ZNG1A: variants seen among roughly 807,000 people sequenced by gnomAD.
ZNG1A encodes the protein Zn regulated GTPase metalloprotein activator 1A.
the ZNG1A span, among the ~76,000 whole-genome samples, chr9:140,002 G>A: frequency 3.3e-5 from 5 of 150,504 alleles, no homozygotes; most frequent in East Asian, 3.9e-4. Flanking sequence ...CACCTGGCTC[G>A]GAGGGTCCCA....
the ZNG1A span, among the ~76,000 whole-genome samples, chr9:175,323 A>G: frequency 6.6e-6 from 1 of 151,760 alleles, no homozygotes; most frequent in Admixed American, 6.6e-5. Flanking sequence ...GGTGGCAGTG[A>G]GCTGAGATTG....
chr9:153,762 A>G, the ZNG1A span: 1 of 149,176 alleles, frequency 6.7e-6, no homozygotes, highest in East Asian at 2.0e-4. Flanking sequence ...AATGAGCCTT[A>G]CCTTTATTGA....
the ZNG1A span, among the ~76,000 whole-genome samples, chr9:174,372 T>C: frequency 6.6e-6 from 1 of 152,084 alleles, no homozygotes; most frequent in Non-Finnish European, 1.5e-5. Flanking sequence ...ACATATTTTT[T>C]ATATTTCAGC....
chr9:154,859 C>G, the ZNG1A span: 1 of 1,335,804 alleles, frequency 7.5e-7, no homozygotes, highest in South Asian at 1.3e-5. Flanking sequence ...CAGATTAATA[C>G]ATCAAAAGAG....
the ZNG1A span, among the ~76,000 whole-genome samples, chr9:170,373 G>C: frequency 6.8e-6 from 1 of 147,236 alleles, no homozygotes; most frequent in Non-Finnish European, 1.5e-5. Flanking sequence ...GTGTGTGTGT[G>C]TGTGCGCATG....
the ZNG1A span, chr9:150,115 G>A: frequency 8.8e-6 from 1 of 113,214 alleles, no homozygotes; most frequent in Non-Finnish European, 1.7e-5. Context: ...CCAAATCTCC[G>A]GTTTTGTTTT....
the ZNG1A span, chr9:154,695 T>A: frequency 1.8e-5 from 29 of 1,584,942 alleles, no homozygotes; most frequent in South Asian, 3.0e-4. Context: ...CTTAACACAC[T>A]TATCATTTCG....
At chr9:146,144 T>G in the ZNG1A span, 2 of 1,569,136 alleles carry the variant, frequency 1.3e-6, no homozygotes, top group Non-Finnish European at 1.7e-6. Context: ...ATCTAATACA[T>G]TAGAGAGATC....
At chr9:171,972 G>T in the ZNG1A span, 11 of 1,573,472 alleles carry the variant, frequency 7.0e-6, no homozygotes, top group Non-Finnish European at 9.5e-6. Flanking sequence ...AAAGTTTTTG[G>T]TTTAATACTA....
chr9:161,196 T>C, the ZNG1A span, among the ~76,000 whole-genome samples: 3 of 151,968 alleles, frequency 2.0e-5, no homozygotes, highest in Non-Finnish European at 4.4e-5. Flanking sequence ...AGGCCGGGCG[T>C]GGTGGCTCAT....
the ZNG1A span, among the ~76,000 whole-genome samples, chr9:157,868 T>C: frequency 6.6e-6 from 1 of 151,882 alleles, no homozygotes; most frequent in East Asian, 1.9e-4. Context: ...GTAATAATTT[T>C]ATTTAACAAG....
the ZNG1A span, among the ~76,000 whole-genome samples, chr9:135,770 G>C: frequency 1.7e-5 from 2 of 116,734 alleles, no homozygotes; most frequent in Non-Finnish European, 3.2e-5. Flanking sequence ...GAAAGAGAAA[G>C]AACTTGTAGG....
chr9:141,862 G>C, the ZNG1A span, among the ~76,000 whole-genome samples: 1 of 152,056 alleles, frequency 6.6e-6, no homozygotes, highest in African/African-American at 2.4e-5. Flanking sequence ...CCAAGCAAAT[G>C]GAAAACAAAA....
At chr9:151,368 T>C in the ZNG1A span, 10 of 979,232 alleles carry the variant, frequency 1.0e-5, no homozygotes, top group Non-Finnish European at 1.1e-5. Context: ...GGAACTAGAC[T>C]GCCAGCTGTG....
At chr9:169,819 C>T in the ZNG1A span, among the ~76,000 whole-genome samples, 1 of 142,986 alleles carries the variant, frequency 7.0e-6, no homozygotes, top group Non-Finnish European at 1.5e-5. Flanking sequence ...AATTCTATTA[C>T]ACATTTTATA....
the ZNG1A span, chr9:147,687 A>C: frequency 1.3e-5 from 2 of 149,568 alleles, no homozygotes; most frequent in East Asian, 1.9e-4. Flanking sequence ...CCAAAGTCTT[A>C]ATATTAAACA....
chr9:149,713 A>G, the ZNG1A span, among the ~76,000 whole-genome samples: 1 of 150,410 alleles, frequency 6.6e-6, no homozygotes. Flanking sequence ...ATGCTATGAA[A>G]TGCATAGTAG....
chr9:178,903 C>A, the ZNG1A span: 6 of 1,150,346 alleles, frequency 5.2e-6, 1 homozygote, highest in Admixed American at 1.2e-4. Context: ...TCAATGGGAA[C>A]CAATTCAGGA....
chr9:145,788 C>T, the ZNG1A span, among the ~76,000 whole-genome samples: 1 of 151,512 alleles, frequency 6.6e-6, no homozygotes, highest in Non-Finnish European at 1.5e-5. Context: ...AAACGCTAAG[C>T]TAAAATTTTC....
Sources: gnomAD v4.1 joint callset for allele counts (sites outside exome capture counted in the v4.1 genomes callset) on GRCh38, gnomAD v4.1.1 for gene constraint, MANE v1.5 for transcripts, NCBI Gene and HGNC (gene_info 2026-07-23, HGNC 2026-07-21) for gene names.